MAML2: variants seen among roughly 807,000 people sequenced by gnomAD.
MAML2 encodes mastermind-like protein 2.
In MAML2, 22 loss-of-function variants were observed where a neutral mutation model predicts 96.1. The ratio of observed to expected loss-of-function variants is 0.23; its 90% CI spans 0.16 to 0.33. MAML2 has a LOEUF of 0.33. MAML2 is among the 10% of genes least tolerant of loss of function. The pLI, the probability that MAML2 is intolerant of heterozygous loss-of-function variation, is 1.00. For synonymous variants in MAML2, 561 were observed against 521.3 expected (o/e 1.08, Z -1.04); for missense variants, 1,367 against 1,392.4 (o/e 0.98, Z 0.29).
At chr11:96,187,732 T>G (rs1156738628) in intron 1 of MAML2, among the ~76,000 whole-genome samples, 3 of 150,662 alleles carry the variant, frequency 2.0e-5, no homozygotes, top group Non-Finnish European at 2.9e-5. Context: ...AGGCAGAGGT[T>G]GCAGTGAGCC....
rs145531358 is a variant in MAML2 at position 96,115,206 on chromosome 11, C to T, written c.514-21689G>A. Among the ~76,000 whole-genome samples the T allele has an allele frequency of 1.5e-4, 22 of 151,576 alleles. 1 individual carries two copies. Among genetic ancestry groups the T allele is most frequent in the South Asian group, 8.3e-4 (4 of 4,796 alleles). On this transcript the variant is annotated intron_variant, in intron 1 of 4. Transcript: ENST00000524717. The stretch of plus-strand genomic sequence containing the variant: ...AAGAGATGGGGTCTTGCTCTGTGCC[C>T]GGGCTGGAGTACAGTAGCTTGATCA...
At chr11:96,016,283 G>T (rs143097960) in intron 2 of MAML2, among the ~76,000 whole-genome samples, 5 of 151,428 alleles carry the variant, frequency 3.3e-5, no homozygotes, top group Admixed American at 3.3e-4. Context: ...TGGGTGGGCA[G>T]TGCACATTAG....
intron 1 of MAML2, among the ~76,000 whole-genome samples, chr11:96,131,467 T>C (rs1035796750): frequency 1.4e-4 from 21 of 152,222 alleles, no homozygotes; most frequent in African/African-American, 5.1e-4. Flanking sequence ...AACAACTTGT[T>C]GTACACTTGA....
intron 1 of MAML2, among the ~76,000 whole-genome samples, chr11:96,296,684 C>T (rs1432190970): frequency 6.6e-6 from 1 of 151,918 alleles, no homozygotes; most frequent in Non-Finnish European, 1.5e-5. Context: ...AAATAAGAAG[C>T]AGAGAGAAAA....
chr11:96,027,099 C>G (rs1468814009), intron 2 of MAML2, among the ~76,000 whole-genome samples: 8 of 152,130 alleles, frequency 5.3e-5, no homozygotes, highest in Non-Finnish European at 1.0e-4. Context: ...GGTGACAATG[C>G]CCAGGATTGA....
In MAML2 at chr11:96,092,213, CTG is replaced by C. The variant is rs1565211558; in HGVS notation, c.1816_1817del (p.Gln606AlafsTer124). The C allele has an allele frequency of 1.6e-4, 4 of 24,820 alleles. No homozygotes were observed. The Admixed American group carries it at 0.02, about 127-fold the overall frequency. The allele number at this position is 24,820 out of a possible 1,614,324, so 1.5% of individuals were successfully genotyped here. Reference sequence around the variant, plus strand: ...GCTGTTGCTGCTGCTGCTGCTGTTGCTGCTGCTGCTGCTGCTGCTGCTGCTGC... The same window carrying C: ...GCTGTTGCTGCTGCTGCTGCTGTTGCCTGCTGCTGCTGCTGCTGCTGCTGC... Reference protein sequence around the residue: ...QQQQQQQQQQQQQQQQQQQQQ... With the variant: ...QQQQQQQQQQXQQQQQQQQQQ... On this transcript the variant is annotated frameshift_variant, in exon 2 of 5. Coordinates refer to ENST00000524717, the MANE Select transcript of MAML2 (RefSeq NM_032427.4). LOFTEE classifies it high-confidence loss of function. The surrounding 1 kb of genome is among the most constrained non-coding windows in gnomAD (Gnocchi z 4.1).
At chr11:96,130,513 A>T (rs2135855372) in intron 1 of MAML2, among the ~76,000 whole-genome samples, 1 of 152,332 alleles carries the variant, frequency 6.6e-6, no homozygotes, top group Admixed American at 6.5e-5. Flanking sequence ...TTAATCTTGA[A>T]GAAAGGATCC....
chr11:95,996,101 ATCAC>A (rs1380160928), intron 2 of MAML2, among the ~76,000 whole-genome samples: 1 of 149,078 alleles, frequency 6.7e-6, no homozygotes, highest in Non-Finnish European at 1.5e-5. Flanking sequence ...TCAATCTCAG[ATCAC>A]CTAATGCCTA....
intron 1 of MAML2, among the ~76,000 whole-genome samples, chr11:96,280,284 GTC>G (rs1291742156): frequency 1.3e-5 from 2 of 152,160 alleles, no homozygotes; most frequent in Admixed American, 6.5e-5. Flanking sequence ...GGGGGTAATA[GTC>G]TAAAATTATT....
chr11:96,280,088 TCACA>T (rs1304132805), intron 1 of MAML2, among the ~76,000 whole-genome samples: 1 of 152,246 alleles, frequency 6.6e-6, no homozygotes, highest in Admixed American at 6.5e-5. Flanking sequence ...ATTAACAGAC[TCACA>T]CACAATCATT....
chr11:96,262,673 G>A (rs1862767635), intron 1 of MAML2, among the ~76,000 whole-genome samples: 2 of 152,138 alleles, frequency 1.3e-5, no homozygotes, highest in Admixed American at 6.5e-5. Context: ...GTTTTACCAT[G>A]TTAGCCAGGA....
At chr11:96,214,272 C>T (rs1862016590) in intron 1 of MAML2, among the ~76,000 whole-genome samples, 1 of 152,130 alleles carries the variant, frequency 6.6e-6, no homozygotes, top group South Asian at 2.1e-4. Flanking sequence ...TTCTGGTAAA[C>T]TGATATTGTG....
intron 2 of MAML2, among the ~76,000 whole-genome samples, chr11:96,047,954 GAAAAAACAAC>G (rs1300258022): frequency 8.8e-5 from 12 of 135,818 alleles, no homozygotes; most frequent in Admixed American, 2.9e-4. Flanking sequence ...GAGAGAGAAA[GAAAAAACAAC>G]AAAAAACAAG....
chr11:96,147,431 T>C (rs2135872846), intron 1 of MAML2, among the ~76,000 whole-genome samples: 1 of 152,354 alleles, frequency 6.6e-6, no homozygotes. Flanking sequence ...AGGAAATGAT[T>C]CATGAATGCA....
chr11:95,997,310 A>G (rs1278057121), intron 2 of MAML2, among the ~76,000 whole-genome samples: 2 of 151,990 alleles, frequency 1.3e-5, no homozygotes, highest in Non-Finnish European at 2.9e-5. Context: ...GTGTGTGTGC[A>G]TGCGCATTTG....
chr11:96,180,992 T>G (rs1591058806), intron 1 of MAML2, among the ~76,000 whole-genome samples: 1 of 148,916 alleles, frequency 6.7e-6, no homozygotes, highest in African/African-American at 2.5e-5. Flanking sequence ...TCAGTGGGGG[T>G]GCTTTCTGAG....
intron 1 of MAML2, among the ~76,000 whole-genome samples, chr11:96,287,883 T>C (rs138273993): frequency 6.6e-4 from 101 of 152,292 alleles, no homozygotes; most frequent in African/African-American, 2.3e-3. Context: ...TAACTCATAG[T>C]TCATAAAAGG....
chr11:96,281,846 G>A (rs1030441693), intron 1 of MAML2, among the ~76,000 whole-genome samples: 22 of 151,880 alleles, frequency 1.4e-4, no homozygotes, highest in Admixed American at 5.2e-4. Context: ...CTCCAGCGTG[G>A]GTGGCAGAGC....
chr11:96,243,459 C>G (rs1340861149), intron 1 of MAML2, among the ~76,000 whole-genome samples: 1 of 152,196 alleles, frequency 6.6e-6, no homozygotes, highest in Non-Finnish European at 1.5e-5. Flanking sequence ...TCAAAACAAT[C>G]TGTGCGTGTC....
Sources: allele counts gnomAD v4.1 joint callset (sites outside exome capture counted in the v4.1 genomes callset), GRCh38; gene constraint gnomAD v4.1.1; non-coding constraint Gnocchi (gnomAD v3.1); transcripts MANE v1.5; gene names NCBI Gene and HGNC (gene_info 2026-07-23, HGNC 2026-07-21).